Variants in CHODL observed in about 807,000 individuals in gnomAD.
The protein encoded by CHODL is transmembrane protein MT75.
A neutral mutation model predicts 34.5 loss-of-function variants in CHODL; 29 were observed. That is an observed-to-expected ratio of 0.84 (90% CI 0.63 to 1.15). The LOEUF (loss-of-function observed/expected upper bound fraction) is 1.15. Among genes scored for constraint, CHODL ranks in the 50% most tolerant of loss-of-function variants. The probability of loss-of-function intolerance (pLI) is 0.00; values close to 1 mark genes in which losing one functional copy is unlikely to be tolerated. For synonymous variants in CHODL, 125 were observed against 116.1 expected (o/e 1.08, Z -0.49); for missense variants, 332 against 332.5 (o/e 1.00, Z 0.01).
At chr21:18,195,522 G>A (rs375632729) in intron 2 of CHODL, among the ~76,000 whole-genome samples, 7 of 152,078 alleles carry the variant, frequency 4.6e-5, no homozygotes, top group East Asian at 1.9e-4. Flanking sequence ...TATGAGTTCA[G>A]CTTTTTCTGA....
chr21:17,922,342 T>G (rs1473408481), intron 1 of CHODL, among the ~76,000 whole-genome samples: 5 of 152,218 alleles, frequency 3.3e-5, no homozygotes, highest in African/African-American at 4.8e-5. Context: ...TACAACATTG[T>G]TCCACTGCTT....
rs139061306 is a variant in CHODL, at chr21:18,084,059, G to T, written c.-45+56088G>T. Reference sequence around the variant, plus strand: ...TCCACATGTGTCAGGAAAGGGGCTTGGTGCTAGGTGATTAAATCATGGGGG... The same window carrying T: ...TCCACATGTGTCAGGAAAGGGGCTTTGTGCTAGGTGATTAAATCATGGGGG... On this transcript the variant is annotated intron_variant, in intron 2 of 6. Transcript: ENST00000400127. 4.9e-3 allele frequency among the ~76,000 whole-genome samples: 747 copies of T among 152,298 alleles called. 8 individuals carry two copies. Among genetic ancestry groups the T allele is most frequent in the African/African-American group, 0.017 (719 of 41,558 alleles).
At chr21:17,922,441 A>G (rs1252294158) in intron 1 of CHODL, among the ~76,000 whole-genome samples, 1 of 152,190 alleles carries the variant, frequency 6.6e-6, no homozygotes, top group Non-Finnish European at 1.5e-5. Flanking sequence ...GAAAGCAGCC[A>G]ATGGCCCACA....
chr21:18,038,118 A>AT (rs1443892497), intron 2 of CHODL, among the ~76,000 whole-genome samples: 3 of 151,506 alleles, frequency 2.0e-5, no homozygotes, highest in African/African-American at 7.3e-5. Context: ...CAAAAGAATG[A>AT]TTTTTTTAGA....
At chr21:18,244,108 G>C (rs897841826), upstream of CHODL, among the ~76,000 whole-genome samples, 2 of 152,166 alleles carry the variant, frequency 1.3e-5, no homozygotes, top group African/African-American at 4.8e-5. Context: ...AAAAATGCAG[G>C]TTTTCCAATG....
chr21:17,963,638 G>A (rs2146354492), intron 1 of CHODL, among the ~76,000 whole-genome samples: 1 of 152,168 alleles, frequency 6.6e-6, no homozygotes, highest in East Asian at 1.9e-4. Flanking sequence ...TGACATGTAG[G>A]GATTATAGGA....
chr21:18,165,683 A>G (rs1036325257), intron 2 of CHODL, among the ~76,000 whole-genome samples: 1 of 152,166 alleles, frequency 6.6e-6, no homozygotes, highest in Non-Finnish European at 1.5e-5. Flanking sequence ...CAGAATTCAA[A>G]CGGTGTCACT....
chr21:18,203,070 GT>G (rs558789839), intron 2 of CHODL, among the ~76,000 whole-genome samples: 26 of 152,160 alleles, frequency 1.7e-4, no homozygotes, highest in African/African-American at 6.0e-4. Context: ...AAAATTCAGT[GT>G]TTTTTTGTAT....
chr21:18,120,962 A>C (rs1270018428), intron 2 of CHODL, among the ~76,000 whole-genome samples: 1 of 151,992 alleles, frequency 6.6e-6, no homozygotes, highest in East Asian at 1.9e-4. Context: ...CTTTTCTTTC[A>C]GTTACCTCTA....
chr21:18,234,785 C>T (rs2074014107), intron 2 of CHODL, among the ~76,000 whole-genome samples: 1 of 151,986 alleles, frequency 6.6e-6, no homozygotes, highest in Non-Finnish European at 1.5e-5. Context: ...GGCGTTGAGT[C>T]GGAAAATGAT....
At chr21:17,918,388 G>A (rs897308983) in intron 1 of CHODL, among the ~76,000 whole-genome samples, 12 of 152,056 alleles carry the variant, frequency 7.9e-5, no homozygotes, top group African/African-American at 2.9e-4. Flanking sequence ...TGGACTTACA[G>A]TTTCACATGG....
chr21:18,072,547 AAG>A (rs1175643400), intron 2 of CHODL, among the ~76,000 whole-genome samples: 2 of 152,198 alleles, frequency 1.3e-5, no homozygotes, highest in African/African-American at 4.8e-5. Context: ...AATTTCAATA[AAG>A]AGAAATTTTG....
chr21:18,139,308 G>A (rs541292136), intron 2 of CHODL, among the ~76,000 whole-genome samples: 40 of 152,030 alleles, frequency 2.6e-4, no homozygotes, highest in African/African-American at 8.4e-4. Context: ...TAGAGAGAAG[G>A]GCCACTGGAG....
chr21:18,232,970 T>TATATA (rs1390065868), intron 2 of CHODL, among the ~76,000 whole-genome samples: 2 of 139,448 alleles, frequency 1.4e-5, no homozygotes, highest in Non-Finnish European at 3.0e-5. Context: ...TATATATATA[T>TATATA]ATGTATATAT....
At chr21:18,047,226 C>G (rs1357548465) in intron 2 of CHODL, among the ~76,000 whole-genome samples, 1 of 151,840 alleles carries the variant, frequency 6.6e-6, no homozygotes, top group Non-Finnish European at 1.5e-5. Flanking sequence ...TATTTTTTCC[C>G]TAACAAAGGT....
rs560339627 is a variant in CHODL at position 18,171,309 on chromosome 21, C to T, written c.-44-85200C>T. 2.0e-5 allele frequency among the ~76,000 whole-genome samples: 3 copies of T among 146,404 alleles called. No homozygotes were observed. In the East Asian group the frequency reaches 6.0e-4, roughly 29 times the overall value. On this transcript the variant is annotated intron_variant, in intron 2 of 6. Coordinates refer to the CHODL transcript ENST00000400127. ...GCAAGCTCCGCCTCCCGGGTTCACG[C>T]CATTCTCCTGCCTCAGCCTCCCGAG...
intron 2 of CHODL, among the ~76,000 whole-genome samples, chr21:18,158,071 G>GA (rs1555877234): frequency 5.7e-5 from 8 of 141,298 alleles, no homozygotes; most frequent in African/African-American, 2.1e-4. Flanking sequence ...ATTCCAAAAG[G>GA]TTTTTTTTTT....
intron 2 of CHODL, among the ~76,000 whole-genome samples, chr21:18,056,902 T>A (rs1366688803): frequency 6.6e-6 from 1 of 152,116 alleles, no homozygotes; most frequent in Non-Finnish European, 1.5e-5. Flanking sequence ...GTTAGTTTTG[T>A]TTCTAGCTTT....
At chr21:18,018,625 C>T (rs550400770) in intron 1 of CHODL, among the ~76,000 whole-genome samples, 1 of 152,280 alleles carries the variant, frequency 6.6e-6, no homozygotes, top group South Asian at 2.1e-4. Context: ...GCACAGCCTG[C>T]AGAACTGTGA....
Sources: gnomAD v4.1 joint callset for allele counts (sites outside exome capture counted in the v4.1 genomes callset) on GRCh38, gnomAD v4.1.1 for gene constraint, MANE v1.5 for transcripts, NCBI Gene and HGNC (gene_info 2026-07-23, HGNC 2026-07-21) for gene names.